Variants in GNG7 observed in about 807,000 individuals in gnomAD.
GNG7 encodes the protein guanine nucleotide-binding protein G(I)/G(S)/G(O) subunit gamma-7.
In GNG7, 1 loss-of-function variant was observed where a neutral mutation model predicts 4.0. The ratio of observed to expected loss-of-function variants is 0.25; its 90% confidence interval spans 0.09 to 1.18. The LOEUF (loss-of-function observed/expected upper bound fraction) is 1.18. Ranked by LOEUF, GNG7 falls within the 50% of genes most tolerant of loss-of-function variation. GNG7 has a pLI of 0.50. For missense variants in GNG7, 86 were observed against 91.9 expected (o/e 0.94, Z 0.26); for synonymous variants, 34 against 36.9 (o/e 0.92, Z 0.29).
chr19:2,568,739 T>TACAC (rs1980043354), intron 2 of GNG7, among the ~76,000 whole-genome samples: 1 of 147,024 alleles, frequency 6.8e-6, no homozygotes, highest in Admixed American at 6.7e-5. Context: ...CACATATACA[T>TACAC]ACATACACAC....
At position 2,656,646 on chromosome 19, in the gene GNG7, G is replaced by A. The variant is rs151046502; in HGVS notation, c.-134-10366C>T. On this transcript the variant is annotated intron_variant, in intron 1 of 4. Transcript: ENST00000382159. ...CTAGACCAGAGGTTGGTAAACTCTG[G>A]CCCATGGGTCAAATGCAGCCCACTG... Among the ~76,000 whole-genome samples, 797 of 152,252 alleles carry A rather than the reference G, an allele frequency of 5.2e-3. 9 individuals carry two copies. The highest frequency in any genetic ancestry group is 0.018 in the African/African-American group (745 of 41,558).
intron 2 of GNG7, among the ~76,000 whole-genome samples, chr19:2,577,039 C>T (rs1980362853): frequency 6.6e-6 from 1 of 152,214 alleles, no homozygotes; most frequent in African/African-American, 2.4e-5. Flanking sequence ...GTCCCGTGTG[C>T]AAAGTTCCAG....
chr19:2,657,337 T>TAAAAAAAAAAAAAAAA (rs372388972), intron 1 of GNG7, among the ~76,000 whole-genome samples: 1 of 13,952 alleles, frequency 7.2e-5, no homozygotes, highest in Non-Finnish European at 1.2e-4. Context: ...CCGTCTCAAT[T>TAAAAAAAAAAAAAAAA]AAAAAAAAAA....
intron 2 of GNG7, among the ~76,000 whole-genome samples, chr19:2,639,615 C>T (rs1264222872): frequency 1.0e-4 from 1 of 9,560 alleles, no homozygotes; most frequent in Non-Finnish European, 2.3e-4. Context: ...CTCAGCAGCA[C>T]ATCCACTCGC....
chr19:2,679,616 A>C (rs1414238933), intron 1 of GNG7, among the ~76,000 whole-genome samples: 1 of 152,208 alleles, frequency 6.6e-6, no homozygotes, highest in Non-Finnish European at 1.5e-5. Flanking sequence ...CCTACATTCC[A>C]GAAAACTCTA....
At chr19:2,587,759 T>A (rs1980718824) in intron 2 of GNG7, among the ~76,000 whole-genome samples, 1 of 151,868 alleles carries the variant, frequency 6.6e-6, no homozygotes, top group Admixed American at 6.6e-5. Context: ...GAGAATCACT[T>A]GAACCTGGGA....
chr19:2,542,596 G>T (rs1416469069), intron 3 of GNG7, among the ~76,000 whole-genome samples: 1 of 152,204 alleles, frequency 6.6e-6, no homozygotes, highest in African/African-American at 2.4e-5. Flanking sequence ...CAGCCTGGGA[G>T]ACCCTGGGCA....
intron 2 of GNG7, among the ~76,000 whole-genome samples, chr19:2,580,236 G>C (rs1281724111): frequency 1.3e-5 from 2 of 151,520 alleles, no homozygotes; most frequent in African/African-American, 4.9e-5. Flanking sequence ...ATGCCTCTCT[G>C]TCTAAGGGGC....
intron 1 of GNG7, among the ~76,000 whole-genome samples, chr19:2,683,936 A>G (rs11878715): frequency 0.011 from 1,692 of 152,310 alleles, 29 homozygotes; most frequent in African/African-American, 0.039. Flanking sequence ...ATCCGCCCTC[A>G]GCCCCAGGGG....
intron 1 of GNG7, among the ~76,000 whole-genome samples, chr19:2,695,645 A>G (rs1286574468): frequency 1.3e-5 from 2 of 151,820 alleles, no homozygotes; most frequent in Non-Finnish European, 2.9e-5. Context: ...GGGCCAGGCC[A>G]TGCAGGACCC....
intron 1 of GNG7, among the ~76,000 whole-genome samples, chr19:2,657,131 C>T (rs1360873713): frequency 3.3e-5 from 5 of 150,790 alleles, no homozygotes; most frequent in African/African-American, 1.2e-4. Context: ...CCCAAGAGTT[C>T]GAGACCAGCC....
chr19:2,681,147 A>T (rs1983724421), intron 1 of GNG7, among the ~76,000 whole-genome samples: 1 of 145,502 alleles, frequency 6.9e-6, no homozygotes, highest in Admixed American at 7.1e-5. Context: ...AGGCCTGGCT[A>T]ATTTTTATTT....
At chr19:2,537,562 T>C (rs879282327) in intron 3 of GNG7, among the ~76,000 whole-genome samples, 1 of 152,108 alleles carries the variant, frequency 6.6e-6, no homozygotes, top group Admixed American at 6.6e-5. Context: ...ATATAGAATA[T>C]AGAATAGGGT....
intron 2 of GNG7, among the ~76,000 whole-genome samples, chr19:2,555,840 G>C (rs1167035133): frequency 2.0e-5 from 3 of 152,298 alleles, no homozygotes; most frequent in South Asian, 2.1e-4. Flanking sequence ...GGAATCCTCT[G>C]TTCCAAGCCG....
At chr19:2,647,104 G>A (rs78005443) in intron 1 of GNG7, among the ~76,000 whole-genome samples, 11,684 of 152,250 alleles carry the variant, frequency 0.077, 544 homozygotes, top group South Asian at 0.24. Context: ...GGGACTCGGG[G>A]GGACCCTGCC....
intron 2 of GNG7, among the ~76,000 whole-genome samples, chr19:2,562,537 TC>T (rs796344712): frequency 2.6e-5 from 4 of 152,246 alleles, no homozygotes; most frequent in African/African-American, 9.6e-5. Flanking sequence ...ACAGGGTTTT[TC>T]CCCCCGGGCA....
chr19:2,539,465 T>C (rs1194486680), intron 3 of GNG7, among the ~76,000 whole-genome samples: 3 of 151,834 alleles, frequency 2.0e-5, no homozygotes, highest in African/African-American at 4.8e-5. Flanking sequence ...CCACCACGCC[T>C]GGCTAATTTT....
At chr19:2,590,886 CATCCATCCATTT>C (rs1171224919) in intron 2 of GNG7, among the ~76,000 whole-genome samples, 10 of 152,114 alleles carry the variant, frequency 6.6e-5, no homozygotes, top group African/African-American at 2.2e-4. Context: ...TCCATCCACC[CATCCATCCATTT>C]ATCCATCCAT....
At chr19:2,607,567 A>G (rs893180842) in intron 2 of GNG7, among the ~76,000 whole-genome samples, 10 of 92,856 alleles carry the variant, frequency 1.1e-4, no homozygotes, top group Non-Finnish European at 2.2e-4. Context: ...AATGGTAAAA[A>G]AAAAAAAAAA....
Sources: gnomAD v4.1 joint callset for allele counts (sites outside exome capture counted in the v4.1 genomes callset) on GRCh38, gnomAD v4.1.1 for gene constraint, MANE v1.5 for transcripts, NCBI Gene and HGNC (gene_info 2026-07-23, HGNC 2026-07-21) for gene names.